The following ESRRG variants were observed in gnomAD, a reference collection of about 807,000 sequenced individuals.
ESRRG encodes estrogen-related receptor gamma.
In ESRRG, 13 loss-of-function variants were observed where a neutral mutation model predicts 44.0. That is an observed-to-expected ratio of 0.30 (90% confidence interval 0.19 to 0.47). The LOEUF (loss-of-function observed/expected upper bound fraction) is 0.47. ESRRG is among the 20% of genes least tolerant of loss of function. The pLI is 1.00. For missense variants in ESRRG, 395 were observed against 580.6 expected, an observed-to-expected ratio of 0.68 and a Z score of 3.29; for synonymous variants, 215 against 214.6, an observed-to-expected ratio of 1.00 and a Z score of -0.02.
At chr1:216,693,639 A>G (rs879088757) in intron 1 of ESRRG, among the ~76,000 whole-genome samples, 7 of 152,214 alleles carry the variant, frequency 4.6e-5, no homozygotes, top group African/African-American at 1.7e-4. Flanking sequence ...TGCTACGTAA[A>G]TAGTTGTTAT....
At chr1:216,740,220 T>C (rs948546338) in intron 2 of ESRRG, among the ~76,000 whole-genome samples, 1 of 152,216 alleles carries the variant, frequency 6.6e-6, no homozygotes, top group Non-Finnish European at 1.5e-5. Context: ...TAAATCAGTT[T>C]ACAAAAAATC....
intron 2 of ESRRG, among the ~76,000 whole-genome samples, chr1:216,825,712 A>T (rs926567615): frequency 3.9e-5 from 6 of 152,176 alleles, no homozygotes; most frequent in African/African-American, 1.4e-4. Flanking sequence ...ACCAGTTGAG[A>T]TTGCTTATGC....
intron 1 of ESRRG, among the ~76,000 whole-genome samples, chr1:217,025,205 G>A (rs1579673438): frequency 6.6e-6 from 1 of 152,280 alleles, no homozygotes; most frequent in African/African-American, 2.4e-5. Flanking sequence ...GGCATCCACA[G>A]AGTGCTTTTG....
At chr1:217,029,530 A>G (rs1193404401) in intron 1 of ESRRG, among the ~76,000 whole-genome samples, 2 of 152,204 alleles carry the variant, frequency 1.3e-5, no homozygotes, top group African/African-American at 2.4e-5. Context: ...ATTTTCTAAT[A>G]TGTTGCGAAA....
intron 5 of ESRRG, among the ~76,000 whole-genome samples, chr1:216,538,343 A>G (rs1328387201): frequency 2.0e-5 from 3 of 152,052 alleles, no homozygotes; most frequent in African/African-American, 2.4e-5. Context: ...TGAAAAATCA[A>G]CAACTGGTGG....
chr1:217,027,013 C>G (rs1438139666), intron 1 of ESRRG, among the ~76,000 whole-genome samples: 1 of 151,754 alleles, frequency 6.6e-6, no homozygotes, highest in Non-Finnish European at 1.5e-5. Context: ...ATGTAAGACT[C>G]CTTTTCCTTC....
intron 2 of ESRRG, among the ~76,000 whole-genome samples, chr1:216,894,269 A>C (rs993002271): frequency 1.3e-5 from 2 of 152,204 alleles, no homozygotes; most frequent in Non-Finnish European, 2.9e-5. Flanking sequence ...TCGGGAGCCA[A>C]AATGTACACA....
At chr1:216,871,987 C>G (rs1577469267) in intron 2 of ESRRG, among the ~76,000 whole-genome samples, 1 of 152,142 alleles carries the variant, frequency 6.6e-6, no homozygotes, top group South Asian at 2.1e-4. Context: ...TATCTTAGAG[C>G]TGACTTGCTG....
At chr1:216,736,476 C>T (rs1025992016) in intron 2 of ESRRG, among the ~76,000 whole-genome samples, 1 of 152,096 alleles carries the variant, frequency 6.6e-6, no homozygotes, top group African/African-American at 2.4e-5. Flanking sequence ...AGCCACCATG[C>T]CTGGCCGTTA....
chr1:216,789,283 AC>A (rs1450650511), intron 2 of ESRRG, among the ~76,000 whole-genome samples: 2 of 152,112 alleles, frequency 1.3e-5, no homozygotes, highest in Non-Finnish European at 2.9e-5. Flanking sequence ...AGCCACCCCA[AC>A]CTTCAGCAAC....
At chr1:217,101,131 T>G (rs778382709) in intron 1 of ESRRG, among the ~76,000 whole-genome samples, 1 of 152,222 alleles carries the variant, frequency 6.6e-6, no homozygotes, top group East Asian at 1.9e-4. Flanking sequence ...CCAGGTTCTT[T>G]TGGCCAACCT....
intron 1 of ESRRG, among the ~76,000 whole-genome samples, chr1:216,689,493 A>G (rs2078662595): frequency 6.6e-6 from 1 of 152,182 alleles, no homozygotes; most frequent in African/African-American, 2.4e-5. Context: ...ATACATTTTT[A>G]TAGAGAAGAC....
At position 217,070,672 on chromosome 1, in the gene ESRRG, A is replaced by T. The variant is rs370600615; in HGVS notation, c.-106+18835T>A. On this transcript the variant is annotated intron_variant, in intron 1 of 7. Transcript: ENST00000359162. Reference sequence around the variant, plus strand: ...GCTGGCATGACAGGCGTAAGCCACCACTCCAGACCAATGTTAAAATCTGGA... The same window carrying T: ...GCTGGCATGACAGGCGTAAGCCACCTCTCCAGACCAATGTTAAAATCTGGA... 3.3e-4 allele frequency among the ~76,000 whole-genome samples: 50 copies of T among 152,246 alleles called. No homozygotes were observed. The South Asian group carries it at 9.3e-3, about 28-fold the overall frequency.
At chr1:216,738,652 A>T (rs1202402406) in intron 2 of ESRRG, among the ~76,000 whole-genome samples, 2 of 152,188 alleles carry the variant, frequency 1.3e-5, no homozygotes, top group Non-Finnish European at 2.9e-5. Context: ...TGGATTAAGT[A>T]GGGGAAAAGT....
chr1:216,737,343 G>A (rs1317491235), intron 2 of ESRRG, among the ~76,000 whole-genome samples: 5 of 152,130 alleles, frequency 3.3e-5, no homozygotes, highest in Non-Finnish European at 5.9e-5. Flanking sequence ...GTGGGTTAAA[G>A]TCTTGTATGT....
At chr1:216,676,457 GA>G (rs1190210006) in intron 2 of ESRRG, among the ~76,000 whole-genome samples, 1 of 151,864 alleles carries the variant, frequency 6.6e-6, no homozygotes, top group East Asian at 1.9e-4. Context: ...CAACCATAAG[GA>G]AAAAAGAAAG....
intron 1 of ESRRG, among the ~76,000 whole-genome samples, chr1:216,960,952 T>C (rs2068921122): frequency 6.6e-6 from 1 of 152,170 alleles, no homozygotes; most frequent in South Asian, 2.1e-4. Context: ...CTCTACTGTA[T>C]TCCTTGTAGG....
intron 1 of ESRRG, among the ~76,000 whole-genome samples, chr1:216,699,689 C>T (rs1405757344): frequency 6.6e-6 from 1 of 152,068 alleles, no homozygotes; most frequent in African/African-American, 2.4e-5. Flanking sequence ...ATGATTTCTG[C>T]CCCCTTCATG....
At chr1:216,639,509 G>T (rs1574564862) in intron 3 of ESRRG, among the ~76,000 whole-genome samples, 1 of 152,138 alleles carries the variant, frequency 6.6e-6, no homozygotes, top group East Asian at 1.9e-4. Context: ...CTTGAACTGA[G>T]ACACAAAACC....
Sources: gnomAD v4.1 joint callset for allele counts (sites outside exome capture counted in the v4.1 genomes callset) on GRCh38, gnomAD v4.1.1 for gene constraint, MANE v1.5 for transcripts, NCBI Gene and HGNC (gene_info 2026-07-23, HGNC 2026-07-21) for gene names.